The following AP1S3 variants were observed in gnomAD, a reference collection of about 807,000 sequenced individuals.
AP1S3 encodes AP-1 complex subunit sigma-3.
Under a neutral mutation model 20.9 loss-of-function variants are expected in AP1S3, and 10 were observed. The ratio of observed to expected loss-of-function variants is 0.48; its 90% CI spans 0.29 to 0.81. AP1S3 has a LOEUF of 0.81. Among genes scored for constraint, AP1S3 ranks in the 30% least tolerant of loss-of-function variants. The pLI is 0.08. For synonymous variants in AP1S3, 41 were observed against 61.5 expected (o/e 0.67, Z 1.56); for missense variants, 154 against 183.8 (o/e 0.84, Z 0.94).
chr2:223,795,477 A>G (rs1192309873), intron 1 of AP1S3, among the ~76,000 whole-genome samples: 2 of 152,206 alleles, frequency 1.3e-5, no homozygotes, highest in Non-Finnish European at 2.9e-5. Context: ...CCACAAATTT[A>G]AATGTTAGCT....
At chr2:223,758,830 T>C in intron 4 of AP1S3, 80 bp from the exon 5 acceptor site, 1 of 1,240,628 alleles carries the variant, frequency 8.1e-7, no homozygotes, top group Non-Finnish European at 1.1e-6. Context: ...CTGCATTCTT[T>C]TATTTATTTG....
chr2:223,785,776 G>A (rs1281427813), intron 1 of AP1S3, among the ~76,000 whole-genome samples: 1 of 152,142 alleles, frequency 6.6e-6, no homozygotes, highest in Non-Finnish European at 1.5e-5. Context: ...AATAGGTGGA[G>A]GACAGAGGAT....
chr2:223,813,184 T>A (rs1029794586), intron 1 of AP1S3, among the ~76,000 whole-genome samples: 1 of 152,098 alleles, frequency 6.6e-6, no homozygotes, highest in African/African-American at 2.4e-5. Context: ...TAACCTCAAG[T>A]GATCTACCCC....
intron 3 of AP1S3, among the ~76,000 whole-genome samples, chr2:223,770,530 A>ACC (rs1553581396): frequency 3.4e-5 from 5 of 148,938 alleles, no homozygotes; most frequent in East Asian, 3.9e-4. Context: ...ACACACACAC[A>ACC]CCCCTTGATA....
chr2:223,792,892 A>C (rs920325594), intron 1 of AP1S3, among the ~76,000 whole-genome samples: 6 of 152,126 alleles, frequency 3.9e-5, no homozygotes, highest in Non-Finnish European at 8.8e-5. Context: ...ACAAACAAAC[A>C]AACCCATTAA....
At chr2:223,760,384 T>TA (rs1690325053) in intron 4 of AP1S3, among the ~76,000 whole-genome samples, 1 of 152,230 alleles carries the variant, frequency 6.6e-6, no homozygotes, top group Admixed American at 6.5e-5. Flanking sequence ...GCTCAGGAGA[T>TA]ACTAGGGCTA....
In AP1S3 at chr2:223,755,954, C is replaced by A; in HGVS notation, c.*2761G>T. On this transcript the variant is annotated 3_prime_UTR_variant, in exon 5 of 5. Coordinates refer to ENST00000396654, the MANE Select transcript of AP1S3 (RefSeq NM_001039569.2). Reference sequence around the variant, plus strand: ...ATATTTGAATGAGGTTCAAGAGATACCTTTATCCAAATATGGTGACAAATT... The same window carrying A: ...ATATTTGAATGAGGTTCAAGAGATAACTTTATCCAAATATGGTGACAAATT... 1 of 985,370 alleles carries A rather than the reference C, an allele frequency of 1.0e-6. No individual in the cohort carries two copies. The highest frequency in any genetic ancestry group is 1.2e-6 in the Non-Finnish European group (1 of 829,932). 61.0% of individuals were successfully genotyped at this position (985,370 alleles called of 1,614,324 possible). A position where few individuals can be genotyped will look rare whatever the true frequency, so the allele number is the denominator to read the frequency against.
rs77052531 is a variant in AP1S3, at chr2:223,787,122, T to G, written c.4-9253A>C. Among the ~76,000 whole-genome samples the G allele has an allele frequency of 4.6e-3, 694 of 152,240 alleles. 7 individuals are homozygous for G. The highest frequency in any genetic ancestry group is 0.016 in the African/African-American group (664 of 41,544). ...TGTGAGATCTGGTTGTTTAAAACTG[T>G]GTGGCAGCTGCCCCCTCTCTCTTCT... On this transcript the variant is annotated intron_variant, in intron 1 of 4. Coordinates refer to ENST00000396654, the MANE Select transcript of AP1S3 (RefSeq NM_001039569.2).
intron 1 of AP1S3, among the ~76,000 whole-genome samples, chr2:223,806,315 A>T (rs1375858017): frequency 1.7e-5 from 2 of 118,184 alleles, no homozygotes; most frequent in African/African-American, 6.8e-5. Context: ...ATGGAGTCCC[A>T]CTCTGTCACC....
chr2:223,770,981 C>T (rs574458169), intron 3 of AP1S3, among the ~76,000 whole-genome samples: 3 of 152,030 alleles, frequency 2.0e-5, no homozygotes, highest in African/African-American at 4.8e-5. Context: ...TGATCCCCCC[C>T]ACCTTGGCCT....
chr2:223,771,128 G>C (rs1024760656), intron 3 of AP1S3, among the ~76,000 whole-genome samples: 4 of 151,938 alleles, frequency 2.6e-5, no homozygotes, highest in African/African-American at 9.6e-5. Flanking sequence ...TTGAGGTCAA[G>C]AGTTCGAGAC....
At chr2:223,809,538 G>A (rs570245490) in intron 1 of AP1S3, among the ~76,000 whole-genome samples, 3 of 151,724 alleles carry the variant, frequency 2.0e-5, no homozygotes, top group South Asian at 2.1e-4. Flanking sequence ...CCAGCTACTC[G>A]GGAGGCTGAG....
At chr2:223,774,968 G>T (rs904655526) in intron 3 of AP1S3, among the ~76,000 whole-genome samples, 1 of 152,208 alleles carries the variant, frequency 6.6e-6, no homozygotes, top group African/African-American at 2.4e-5. Flanking sequence ...GGCATTTAGG[G>T]CTGGGCAGAG....
intron 3 of AP1S3, among the ~76,000 whole-genome samples, chr2:223,772,509 G>C (rs565870902): frequency 1.3e-5 from 2 of 152,156 alleles, no homozygotes; most frequent in Non-Finnish European, 2.9e-5. Flanking sequence ...AAATATGGCA[G>C]GTATCTAAAT....
intron 1 of AP1S3, among the ~76,000 whole-genome samples, chr2:223,834,699 G>A (rs1692356350): frequency 6.6e-6 from 1 of 152,042 alleles, no homozygotes. Flanking sequence ...TGAGGCTGCT[G>A]TGAGCTGTGA....
In AP1S3 at chr2:223,758,424, T is replaced by C; in HGVS notation, c.*291A>G. On this transcript the variant is annotated 3_prime_UTR_variant, in exon 5 of 5. Coordinates refer to ENST00000396654, the MANE Select transcript of AP1S3 (RefSeq NM_001039569.2). The stretch of plus-strand genomic sequence containing the variant: ...TCTAAACCAGCTTAAAAACATAACA[T>C]GGAGTTAATACATTACAAATATTGT... 9.0e-7 allele frequency: 1 copy of C among 1,113,910 alleles called. No individual in the cohort carries two copies. The highest frequency in any genetic ancestry group is 1.1e-6 in the Non-Finnish European group (1 of 914,156). 69.0% of individuals were successfully genotyped at this position (1,113,910 alleles called of 1,614,324 possible).
chr2:223,776,096 C>A (rs1162125351), intron 2 of AP1S3, 87 bp from the exon 3 acceptor site: 1 of 920,358 alleles, frequency 1.1e-6, no homozygotes, highest in Non-Finnish European at 1.8e-6. Context: ...CAGTCACCTC[C>A]TCCCCCGCCG....
intron 4 of AP1S3, among the ~76,000 whole-genome samples, chr2:223,761,572 A>G (rs1417976597): frequency 6.6e-6 from 1 of 152,162 alleles, no homozygotes; most frequent in African/African-American, 2.4e-5. Context: ...TTACAGGTGT[A>G]CACCACCATG....
intron 1 of AP1S3, among the ~76,000 whole-genome samples, chr2:223,805,030 G>A (rs1691547757): frequency 2.0e-5 from 3 of 152,202 alleles, no homozygotes. Context: ...AGAAACAACA[G>A]CAGAAATGAA....
Sources: gnomAD v4.1 joint callset for allele counts (sites outside exome capture counted in the v4.1 genomes callset) on GRCh38, gnomAD v4.1.1 for gene constraint, MANE v1.5 for transcripts, NCBI Gene and HGNC (gene_info 2026-07-23, HGNC 2026-07-21) for gene names.